The following TUSC3 variants were observed in gnomAD, a reference collection of about 807,000 sequenced individuals.
TUSC3 encodes the protein dolichyl-diphosphooligosaccharide--protein glycosyltransferase subunit TUSC3.
Under a neutral mutation model 44.8 loss-of-function variants are expected in TUSC3, and 45 were observed. The observed-to-expected ratio is 1.00, with a 90% CI of 0.79 to 1.29. The LOEUF is 1.29. Ranked by LOEUF, TUSC3 falls within the 50% of genes most tolerant of loss-of-function variation. The pLI is 0.00. For missense variants in TUSC3, 519 were observed against 437.9 expected (o/e 1.19, Z -1.65); for synonymous variants, 212 against 152.9 (o/e 1.39, Z -2.85).
At chr8:15,651,522 T>C (rs752974040) in intron 3 of TUSC3, among the ~76,000 whole-genome samples, 8 of 152,212 alleles carry the variant, frequency 5.3e-5, no homozygotes, top group Non-Finnish European at 1.2e-4. Flanking sequence ...GGTGGAACCC[T>C]AGTCCAAAGG....
chr8:15,670,297 C>A lies in TUSC3; in HGVS notation c.709-3450C>A, dbSNP rs376295188. ...AGGAAGAATAATGCTGGAGAACTTA[C>A]ACTTACAGATATCAACATTTATTAT... On this transcript the variant is annotated intron_variant, in intron 5 of 10. Transcript: ENST00000503731. Among the ~76,000 whole-genome samples the A allele has an allele frequency of 5.9e-4, 89 of 151,886 alleles. 1 individual carries two copies. The highest frequency in any genetic ancestry group is 2.1e-3 in the African/African-American group (87 of 41,512).
At chr8:15,479,950 A>G (rs780091588) in intron 1 of TUSC3, among the ~76,000 whole-genome samples, 11 of 152,152 alleles carry the variant, frequency 7.2e-5, no homozygotes, top group Non-Finnish European at 1.2e-4. Flanking sequence ...AACTTCAGCA[A>G]AGTCTCAGGA....
At chr8:15,434,626 A>G (rs1230926752) in intron 1 of TUSC3, among the ~76,000 whole-genome samples, 1 of 149,416 alleles carries the variant, frequency 6.7e-6, no homozygotes, top group Non-Finnish European at 1.5e-5. Context: ...GGTGTGCTGC[A>G]CCCATTAACT....
chr8:15,664,467 A>ATTATTG (rs1165404240), intron 5 of TUSC3, among the ~76,000 whole-genome samples: 1 of 138,162 alleles, frequency 7.2e-6, no homozygotes, highest in African/African-American at 2.8e-5. Flanking sequence ...TATTATTATT[A>ATTATTG]TTATTATTAT....
chr8:15,545,624 A>G (rs778401906), intron 1 of TUSC3, among the ~76,000 whole-genome samples: 2 of 151,624 alleles, frequency 1.3e-5, no homozygotes, highest in Non-Finnish European at 2.9e-5. Flanking sequence ...GTCAAAAGAG[A>G]ACATTTTCAG....
chr8:15,517,359 A>G lies in TUSC3; in HGVS notation n.189+33876A>G, dbSNP rs550712985. Among the ~76,000 whole-genome samples, 24 of 152,142 alleles carry G rather than the reference A, an allele frequency of 1.6e-4. 1 individual carries two copies. In the South Asian group the frequency reaches 5.0e-3, roughly 32 times the overall value. Reference sequence around the variant, plus strand: ...CCTCATCACGCTGAATTACACCCCGATCTTTGCTATTGTATTGCCAATCCC... The same window carrying G: ...CCTCATCACGCTGAATTACACCCCGGTCTTTGCTATTGTATTGCCAATCCC... On this transcript the variant is annotated intron_variant and non_coding_transcript_variant, in intron 2 of 5. Coordinates refer to the TUSC3 transcript ENST00000503191.
chr8:15,708,321 G>A (rs533574290), intron 6 of TUSC3, among the ~76,000 whole-genome samples: 1 of 151,988 alleles, frequency 6.6e-6, no homozygotes, highest in Non-Finnish European at 1.5e-5. Flanking sequence ...GAAAAACCTT[G>A]TGTGTCACAG....
At chr8:15,460,890 C>A (rs11203705) in intron 1 of TUSC3, among the ~76,000 whole-genome samples, 52,160 of 151,998 alleles carry the variant, frequency 0.34, 10,486 homozygotes, top group Non-Finnish European at 0.46. Flanking sequence ...GGTCTATGTG[C>A]CTGTTTTTAT....
Position 15,596,577 on chromosome 8 carries a change from A to T in TUSC3, c.139-26503A>T, listed in dbSNP as rs114143148. On this transcript the variant is annotated intron_variant, in intron 1 of 10. Coordinates refer to ENST00000503731, the MANE Select transcript of TUSC3 (RefSeq NM_006765.4). ...TGAGGAATGACTATAATTTTCAGAT[A>T]CTGTGGGGCACACTGTAAGTTGTAA... is the stretch of plus-strand genomic sequence containing the variant. 5.7e-3 allele frequency among the ~76,000 whole-genome samples: 865 copies of T among 152,262 alleles called. 6 individuals are homozygous for T. Among genetic ancestry groups the T allele is most frequent in the African/African-American group, 0.019 (777 of 41,564 alleles).
At chr8:15,499,336 G>T (rs1217786802) in intron 2 of TUSC3, among the ~76,000 whole-genome samples, 1 of 152,126 alleles carries the variant, frequency 6.6e-6, no homozygotes, top group Non-Finnish European at 1.5e-5. Context: ...AATCAGTTTT[G>T]TCATATGTAT....
intron 2 of TUSC3, among the ~76,000 whole-genome samples, chr8:15,634,570 A>C (rs928994656): frequency 6.6e-6 from 1 of 152,226 alleles, no homozygotes; most frequent in Admixed American, 6.5e-5. Context: ...AAGTTTGTTC[A>C]GACCCCACTG....
At chr8:15,429,840 A>G (rs1455066488) in intron 1 of TUSC3, among the ~76,000 whole-genome samples, 1 of 151,810 alleles carries the variant, frequency 6.6e-6, no homozygotes, top group East Asian at 1.9e-4. Flanking sequence ...CCATCAGAGA[A>G]TACTATAAAC....
chr8:15,614,341 A>C (rs1208096178), intron 1 of TUSC3, among the ~76,000 whole-genome samples: 1 of 152,242 alleles, frequency 6.6e-6, no homozygotes. Flanking sequence ...TAAGTGTATG[A>C]TTAAATGACT....
intron 2 of TUSC3, among the ~76,000 whole-genome samples, chr8:15,646,979 A>T (rs930381070): frequency 2.0e-5 from 3 of 151,980 alleles, no homozygotes; most frequent in African/African-American, 7.2e-5. Flanking sequence ...CCTATGGCTG[A>T]TGTTTTTTGA....
At chr8:15,704,546 T>C (rs375280070) in intron 6 of TUSC3, among the ~76,000 whole-genome samples, 69 of 152,284 alleles carry the variant, frequency 4.5e-4, no homozygotes, top group African/African-American at 1.6e-3. Flanking sequence ...ACTTTATTGG[T>C]TCTTTGTTCT....
At chr8:15,495,764 G>T (rs1192144988) in intron 2 of TUSC3, among the ~76,000 whole-genome samples, 1 of 152,036 alleles carries the variant, frequency 6.6e-6, no homozygotes, top group East Asian at 1.9e-4. Flanking sequence ...AACTGGCAAA[G>T]GTATAGAAAT....
At chr8:15,791,624 A>G in the TUSC3 span, among the ~76,000 whole-genome samples, 6 of 152,174 alleles carry the variant, frequency 3.9e-5, no homozygotes, top group East Asian at 1.2e-3. Context: ...TAAGTTTCAC[A>G]TCATTGCCAA....
At chr8:15,667,250 A>G (rs760427598) in intron 5 of TUSC3, among the ~76,000 whole-genome samples, 4 of 151,632 alleles carry the variant, frequency 2.6e-5, no homozygotes, top group Non-Finnish European at 4.4e-5. Flanking sequence ...TGTTGCTGAA[A>G]TGACTGTAAA....
intron 1 of TUSC3, among the ~76,000 whole-genome samples, chr8:15,600,077 G>A (rs748809011): frequency 6.6e-5 from 10 of 151,704 alleles, no homozygotes; most frequent in South Asian, 6.2e-4. Flanking sequence ...TGCATTAGGC[G>A]GGACTTCTAG....
Sources: gnomAD v4.1 joint callset for allele counts (sites outside exome capture counted in the v4.1 genomes callset) on GRCh38, gnomAD v4.1.1 for gene constraint, MANE v1.5 for transcripts, NCBI Gene and HGNC (gene_info 2026-07-23, HGNC 2026-07-21) for gene names.